GLIS1: variants seen among roughly 807,000 people sequenced by gnomAD.
GLIS1 encodes the protein zinc finger protein GLIS1.
In GLIS1, 24 loss-of-function variants were observed where a neutral mutation model predicts 63.8. That is an observed-to-expected ratio of 0.38 (90% CI 0.27 to 0.53). The LOEUF (loss-of-function observed/expected upper bound fraction) is 0.53, where lower values mean the gene tolerates loss of function less well. GLIS1 is among the 20% of genes least tolerant of loss of function. The pLI is 0.85. For missense variants in GLIS1, 1,036 were observed against 1,074.1 expected, an observed-to-expected ratio of 0.96 and a Z score of 0.50; for synonymous variants, 450 against 482.5, an observed-to-expected ratio of 0.93 and a Z score of 0.88.
chr1:53,652,000 G>A (rs569215153), intron 2 of GLIS1, among the ~76,000 whole-genome samples: 1 of 152,282 alleles, frequency 6.6e-6, no homozygotes, highest in Admixed American at 6.5e-5. Flanking sequence ...CCTCTCCAGA[G>A]TTATGCAGGC....
intron 2 of GLIS1, among the ~76,000 whole-genome samples, chr1:53,600,512 G>A (rs935204693): frequency 2.6e-5 from 4 of 152,114 alleles, no homozygotes; most frequent in African/African-American, 2.4e-5. Flanking sequence ...GTCTCCGGTG[G>A]TTAAATGACT....
chr1:53,720,743 C>T (rs1451645706), intron 2 of GLIS1, among the ~76,000 whole-genome samples: 1 of 152,126 alleles, frequency 6.6e-6, no homozygotes, highest in African/African-American at 2.4e-5. Flanking sequence ...ACCACGTGTG[C>T]TCCAAAAATA....
intron 4 of GLIS1, among the ~76,000 whole-genome samples, chr1:53,531,187 GC>G (rs796119919): frequency 7.8e-4 from 119 of 152,342 alleles, no homozygotes; most frequent in African/African-American, 2.7e-3. Flanking sequence ...GAGGAGGCTG[GC>G]CCCCTCTCAT....
Position 53,639,940 on chromosome 1 carries a change from A to G in GLIS1, c.260-39662T>C, listed in dbSNP as rs534121319. On this transcript the variant is annotated intron_variant, in intron 2 of 10. Coordinates refer to ENST00000628545, the MANE Select transcript of GLIS1 (RefSeq NM_001367484.1). This position sits in a 1 kb window ranked among gnomAD's most constrained non-coding sequence, Gnocchi z 4.6. ...CTGATACGTCACTGAGCCTCAGTTT[A>G]TACTTCCACAGAAACAGGGATACTA... Among the ~76,000 whole-genome samples, 6 of 152,350 alleles carry G rather than the reference A, an allele frequency of 3.9e-5. No individual in the cohort carries two copies. The highest frequency in any genetic ancestry group is 1.4e-4 in the African/African-American group (6 of 41,580).
At chr1:53,592,162 G>A (rs1456133017) in intron 4 of GLIS1, among the ~76,000 whole-genome samples, 1 of 152,086 alleles carries the variant, frequency 6.6e-6, no homozygotes, top group Non-Finnish European at 1.5e-5. Context: ...CAGAGAGAGA[G>A]ACCCTGAGTC....
intron 4 of GLIS1, among the ~76,000 whole-genome samples, chr1:53,563,928 C>T (rs1644913637): frequency 1.3e-5 from 2 of 152,116 alleles, no homozygotes; most frequent in South Asian, 2.1e-4. Flanking sequence ...TAACTGTCAA[C>T]CTAGAAGTGG....
chr1:53,552,107 C>G (rs980614242), intron 4 of GLIS1, among the ~76,000 whole-genome samples: 1 of 152,052 alleles, frequency 6.6e-6, no homozygotes, highest in African/African-American at 2.4e-5. Flanking sequence ...CTAATCACCC[C>G]CAAAGCTTAA....
intron 2 of GLIS1, among the ~76,000 whole-genome samples, chr1:53,703,639 T>TAA (rs59555116): frequency 7.6e-4 from 54 of 71,476 alleles, no homozygotes; most frequent in African/African-American, 1.6e-3. Context: ...ACCCTGTCTC[T>TAA]AAAAAAAAAA....
Position 53,511,251 on chromosome 1 carries a change from C to T in GLIS1, c.1884-1224G>A, listed in dbSNP as rs751414310. Among the ~76,000 whole-genome samples the T allele has an allele frequency of 2.0e-5, 3 of 152,178 alleles. No individual in the cohort carries two copies. The highest frequency in any genetic ancestry group is 2.9e-5 in the Non-Finnish European group (2 of 68,024). On this transcript the variant is annotated intron_variant, in intron 8 of 10. Coordinates refer to ENST00000628545, the MANE Select transcript of GLIS1 (RefSeq NM_001367484.1). This position sits in a 1 kb window ranked among gnomAD's most constrained non-coding sequence, Gnocchi z 4.2. ...GGACCATCCACATTAAAATATACAG[C>T]GAATTCAATGTCACAGCTCCAGGTG...
chr1:53,525,445 G>C (rs1221843128), intron 5 of GLIS1, among the ~76,000 whole-genome samples: 2 of 458 alleles, frequency 4.4e-3, no homozygotes, highest in Non-Finnish European at 7.2e-3. Flanking sequence ...GGCTGGATCT[G>C]AGAACACAGG....
chr1:53,633,813 G>C (rs1381596353), intron 2 of GLIS1, among the ~76,000 whole-genome samples: 1 of 152,090 alleles, frequency 6.6e-6, no homozygotes, highest in African/African-American at 2.4e-5. Context: ...GCGTGGGGGG[G>C]ATAGGGGGAG....
chr1:53,703,503 G>C (rs1454668253), intron 2 of GLIS1, among the ~76,000 whole-genome samples: 1 of 152,036 alleles, frequency 6.6e-6, no homozygotes, highest in Non-Finnish European at 1.5e-5. Context: ...CCCAGGCATG[G>C]TGATGTACAA....
intron 4 of GLIS1, 32 bp downstream of exon 4, chr1:53,594,076 G>A: frequency 6.3e-7 from 1 of 1,577,784 alleles, no homozygotes; most frequent in Non-Finnish European, 8.6e-7. Context: ...CAGAGGGGCT[G>A]GGGTGAGGCC....
chr1:53,513,886 G>A (rs1644322480), intron 8 of GLIS1, among the ~76,000 whole-genome samples: 1 of 152,260 alleles, frequency 6.6e-6, no homozygotes, highest in South Asian at 2.1e-4. Flanking sequence ...GGAGGAGGAA[G>A]GGCAGGGAAG....
intron 2 of GLIS1, among the ~76,000 whole-genome samples, chr1:53,631,009 T>C (rs1645646404): frequency 6.6e-6 from 1 of 152,276 alleles, no homozygotes; most frequent in African/African-American, 2.4e-5. Context: ...CATCATTTTG[T>C]GAGAGCTTTT....
chr1:53,673,222 G>A (rs1340241207), intron 2 of GLIS1, among the ~76,000 whole-genome samples: 2 of 152,164 alleles, frequency 1.3e-5, no homozygotes, highest in Non-Finnish European at 2.9e-5. Flanking sequence ...CAGAATTTTT[G>A]TTGTTGTTGC....
chr1:53,604,387 A>G (rs765013678), intron 2 of GLIS1, among the ~76,000 whole-genome samples: 1 of 152,218 alleles, frequency 6.6e-6, no homozygotes, highest in Non-Finnish European at 1.5e-5. Context: ...GCAAATTACC[A>G]TAATGACTTG....
chr1:53,688,040 G>A (rs761332759), intron 2 of GLIS1, among the ~76,000 whole-genome samples: 3 of 149,550 alleles, frequency 2.0e-5, no homozygotes, highest in Non-Finnish European at 4.5e-5. Flanking sequence ...CTGTGCTGTC[G>A]AGGCTGAGGA....
At chr1:53,733,874 G>T in intron 2 of GLIS1, 1 of 975,708 alleles carries the variant, frequency 1.0e-6, no homozygotes, top group Non-Finnish European at 1.2e-6. Flanking sequence ...CGGAGCCGGA[G>T]GGGAGAAATG....
Sources: allele counts gnomAD v4.1 joint callset (sites outside exome capture counted in the v4.1 genomes callset), GRCh38; gene constraint gnomAD v4.1.1; non-coding constraint Gnocchi (gnomAD v3.1); transcripts MANE v1.5; gene names NCBI Gene and HGNC (gene_info 2026-07-23, HGNC 2026-07-21).